EXOC4: variants seen among roughly 807,000 people sequenced by gnomAD.
EXOC4 encodes SEC8-like 1.
EXOC4 carries 71 observed loss-of-function variants against 107.2 expected under a neutral mutation model. The ratio of observed to expected loss-of-function variants is 0.66; its 90% CI spans 0.55 to 0.81. The LOEUF (loss-of-function observed/expected upper bound fraction) is 0.81. Among genes scored for constraint, EXOC4 ranks in the 30% least tolerant of loss-of-function variants. The pLI is 0.00. For synonymous variants in EXOC4, 456 were observed against 441.2 expected (o/e 1.03, Z -0.42); for missense variants, 1,108 against 1,189.6 (o/e 0.93, Z 1.01).
At chr7:133,498,902 G>T (rs1190189715) in intron 9 of EXOC4, among the ~76,000 whole-genome samples, 1 of 152,184 alleles carries the variant, frequency 6.6e-6, no homozygotes, top group African/African-American at 2.4e-5. Context: ...GAGGCTCCTT[G>T]CATGCTGCTG....
At chr7:133,540,308 A>G (rs556099233) in intron 9 of EXOC4, among the ~76,000 whole-genome samples, 1 of 152,180 alleles carries the variant, frequency 6.6e-6, no homozygotes, top group African/African-American at 2.4e-5. Flanking sequence ...TTCAAACTCC[A>G]GCCCTGGAAT....
intron 2 of EXOC4, among the ~76,000 whole-genome samples, chr7:133,286,358 T>C (rs1003299822): frequency 2.4e-4 from 36 of 152,248 alleles, no homozygotes; most frequent in African/African-American, 7.7e-4. Context: ...TAATAGCTTC[T>C]GTTATTTTTC....
intron 5 of EXOC4, among the ~76,000 whole-genome samples, chr7:133,331,696 A>T (rs1043868097): frequency 1.3e-5 from 2 of 151,686 alleles, no homozygotes; most frequent in Non-Finnish European, 2.9e-5. Flanking sequence ...CTATCTCCTG[A>T]CCTTGTGATC....
At chr7:133,994,883 A>G (rs1013954497) in intron 14 of EXOC4, among the ~76,000 whole-genome samples, 1 of 152,004 alleles carries the variant, frequency 6.6e-6, no homozygotes, top group Non-Finnish European at 1.5e-5. Context: ...AGAGCTAGTT[A>G]ATTGCTTTTG....
chr7:133,301,634 G>C (rs1016493481), intron 3 of EXOC4, among the ~76,000 whole-genome samples: 1 of 152,104 alleles, frequency 6.6e-6, no homozygotes, highest in African/African-American at 2.4e-5. Context: ...AAGCATTTTC[G>C]TTAGCTACCA....
At chr7:133,595,371 A>G (rs965905835) in intron 9 of EXOC4, among the ~76,000 whole-genome samples, 3 of 152,138 alleles carry the variant, frequency 2.0e-5, no homozygotes, top group African/African-American at 7.2e-5. Flanking sequence ...TTGCTATGAG[A>G]TCTTTAGTTT....
Position 133,752,363 on chromosome 7 carries a change from G to C in EXOC4, c.1515-64962G>C, listed in dbSNP as rs575040007. ...TTTTGGACTTGCAACTGCCTTTGCT[G>C]CTTTCTGTCTCTGTGAATTTGGTCA... is the stretch of plus-strand genomic sequence containing the variant. On this transcript the variant is annotated intron_variant, in intron 10 of 17. Transcript: ENST00000253861. Among the ~76,000 whole-genome samples the C allele has an allele frequency of 1.5e-4, 23 of 152,288 alleles. No individual in the cohort carries two copies. In the South Asian group the frequency reaches 2.3e-3, roughly 15 times the overall value.
chr7:133,970,824 T>G (rs1409552587), intron 14 of EXOC4, among the ~76,000 whole-genome samples: 1 of 152,124 alleles, frequency 6.6e-6, no homozygotes, highest in Non-Finnish European at 1.5e-5. Flanking sequence ...CTTGGGTTTT[T>G]AAACTTCACT....
intron 10 of EXOC4, among the ~76,000 whole-genome samples, chr7:133,649,671 G>A (rs962135367): frequency 6.6e-6 from 1 of 152,010 alleles, no homozygotes; most frequent in Non-Finnish European, 1.5e-5. Flanking sequence ...AGTGGAATTG[G>A]GTTCAAGGCC....
Position 133,305,875 on chromosome 7 carries a change from A to T in EXOC4, c.472-2A>T. 1 of 1,582,712 alleles carries T rather than the reference A, an allele frequency of 6.3e-7. No homozygotes were observed. The highest frequency in any genetic ancestry group is 1.4e-5 in the African/African-American group (1 of 73,064). The stretch of plus-strand genomic sequence containing the variant: ...TTGTCTTTCATTTTTTTCTCTTTTC[A>T]GGTGTCAGCAGTTGAGTCTTTGGAG... On this transcript the variant is annotated splice_acceptor_variant, in intron 3 of 17. Transcript: ENST00000253861. LOFTEE classifies it high-confidence loss of function.
intron 17 of EXOC4, among the ~76,000 whole-genome samples, chr7:134,063,683 C>T (rs1046325171): frequency 1.3e-5 from 2 of 152,144 alleles, no homozygotes; most frequent in African/African-American, 4.8e-5. Context: ...CTGTGTCTTG[C>T]CCATCCTTAT....
intron 7 of EXOC4, among the ~76,000 whole-genome samples, chr7:133,447,121 A>G (rs913535580): frequency 2.0e-5 from 3 of 152,206 alleles, no homozygotes; most frequent in Admixed American, 6.6e-5. Context: ...ATTCTGACCA[A>G]GTCAACTCCA....
intron 1 of EXOC4, among the ~76,000 whole-genome samples, chr7:133,259,548 C>T (rs932546675): frequency 2.0e-5 from 3 of 151,790 alleles, no homozygotes; most frequent in African/African-American, 4.8e-5. Flanking sequence ...TCTTCACCAG[C>T]ATTATCCACT....
At chr7:133,376,572 C>A (rs982554550) in intron 7 of EXOC4, among the ~76,000 whole-genome samples, 2 of 152,060 alleles carry the variant, frequency 1.3e-5, no homozygotes, top group African/African-American at 4.8e-5. Flanking sequence ...CTGCATCTTC[C>A]TCGTGAATAC....
chr7:134,052,455 TCTG>T (rs933356030), intron 17 of EXOC4, among the ~76,000 whole-genome samples: 12 of 151,524 alleles, frequency 7.9e-5, no homozygotes, highest in Admixed American at 5.3e-4. Flanking sequence ...CCCCTCTTCT[TCTG>T]AGTCAAGAGG....
chr7:133,608,127 G>A (rs1801991132), intron 9 of EXOC4, among the ~76,000 whole-genome samples: 1 of 152,122 alleles, frequency 6.6e-6, no homozygotes, highest in African/African-American at 2.4e-5. Context: ...TGTTAAGCTA[G>A]ATTCTGGGAT....
intron 9 of EXOC4, among the ~76,000 whole-genome samples, chr7:133,512,672 A>G (rs1033623344): frequency 1.3e-5 from 2 of 152,170 alleles, no homozygotes; most frequent in South Asian, 2.1e-4. Context: ...AAACCAAACC[A>G]AACAAAAACA....
intron 7 of EXOC4, among the ~76,000 whole-genome samples, chr7:133,378,601 T>G (rs1796545027): frequency 6.6e-6 from 1 of 152,146 alleles, no homozygotes; most frequent in Admixed American, 6.6e-5. Context: ...CTGTTGTGAA[T>G]TTCTTATATA....
intron 12 of EXOC4, among the ~76,000 whole-genome samples, chr7:133,902,800 A>G (rs1376259471): frequency 6.6e-6 from 1 of 152,052 alleles, no homozygotes; most frequent in Non-Finnish European, 1.5e-5. Context: ...GGTTGCAGTG[A>G]GCCGAGATTG....
Sources: allele counts gnomAD v4.1 joint callset (sites outside exome capture counted in the v4.1 genomes callset), GRCh38; gene constraint gnomAD v4.1.1; transcripts MANE v1.5; gene names NCBI Gene and HGNC (gene_info 2026-07-23, HGNC 2026-07-21).